The following PSG1 variants were observed in gnomAD, a reference collection of about 807,000 sequenced individuals.
The protein encoded by PSG1 is pregnancy-specific beta-1-glycoprotein 1.
PSG1 carries 60 observed loss-of-function variants against 41.4 expected under a neutral mutation model. The ratio of observed to expected loss-of-function variants is 1.45; its 90% confidence interval spans 1.18 to 1.80. The LOEUF is 1.80. Among genes scored for constraint, PSG1 ranks in the 40% most tolerant of loss-of-function variants. The pLI is 0.00. For synonymous variants in PSG1, 256 were observed against 192.9 expected (o/e 1.33, Z -2.71); for missense variants, 806 against 516.9 (o/e 1.56, Z -5.42).
chr19:42,869,065 G>T, intron 3 of PSG1, 31 bp from the exon 4 acceptor site: 1 of 1,596,860 alleles, frequency 6.3e-7, no homozygotes, highest in Non-Finnish European at 8.5e-7. Flanking sequence ...AGATTGTCCT[G>T]TGTGGCACCT....
intron 2 of PSG1, chr19:42,876,606 GA>G: frequency 3.0e-6 from 1 of 334,390 alleles, no homozygotes; most frequent in South Asian, 2.9e-5. Flanking sequence ...TGTGAGTGGG[GA>G]AAGAAAACAA....
intron 2 of PSG1, among the ~76,000 whole-genome samples, chr19:42,874,407 C>T (rs1266289225): frequency 4.6e-5 from 7 of 151,492 alleles, no homozygotes; most frequent in Non-Finnish European, 1.0e-4. Flanking sequence ...AGTGCAGTGG[C>T]ATGATCTCAG....
In PSG1 at chr19:42,868,340, G is replaced by T. The variant is rs1971226282; in HGVS notation, c.1004C>A (p.Pro335His). ...ATAGGTGAATGAAGGGTAAATTCTGGGGAGGTCTGGACCATCTGGAGCAAA... is the reference window on the plus strand; with the variant it reads ...ATAGGTGAATGAAGGGTAAATTCTGTGGAGGTCTGGACCATCTGGAGCAAA... ...TLNVLYGPDL[P>H]RIYPSFTYYR... The change falls in exon 5 of 6, where the codon CCC (proline) becomes CAC (histidine). Residue 335 changes from proline (P) to histidine (H), a missense_variant. Coordinates refer to ENST00000436291, the MANE Select transcript of PSG1 (RefSeq NM_001184825.2). 1.9e-6 allele frequency: 3 copies of T among 1,610,904 alleles called. No homozygotes were observed. The East Asian group carries it at 6.7e-5, about 36-fold the overall frequency.
chr19:42,870,411 C>T (rs1258158375), intron 3 of PSG1: 4 of 151,464 alleles, frequency 2.6e-5, no homozygotes, highest in South Asian at 2.1e-4. Flanking sequence ...TCTCTCACCA[C>T]GTTTCTAGCT....
chr19:42,877,381 G>A (rs1181081838), intron 2 of PSG1, among the ~76,000 whole-genome samples: 1 of 151,620 alleles, frequency 6.6e-6, no homozygotes, highest in Non-Finnish European at 1.5e-5. Context: ...AGCCCTGGCT[G>A]GTGAACAGCT....
intron 1 of PSG1, among the ~76,000 whole-genome samples, chr19:42,879,272 C>A (rs953866642): frequency 6.6e-6 from 1 of 150,928 alleles, no homozygotes; most frequent in African/African-American, 2.4e-5. Flanking sequence ...CCTGCCTCAG[C>A]CTCCCGAGTA....
chr19:42,868,751 C>G lies in PSG1; in HGVS notation c.988+5G>C, dbSNP rs1487948503. 1 of 1,609,932 alleles carries G rather than the reference C, an allele frequency of 6.2e-7. No individual in the cohort carries two copies. The highest frequency in any genetic ancestry group is 1.4e-5 in the African/African-American group (1 of 73,370). On this transcript the variant is annotated splice_donor_5th_base_variant and intron_variant, in intron 4 of 5. Coordinates refer to ENST00000436291, the MANE Select transcript of PSG1 (RefSeq NM_001184825.2). ...CTGGCCCACAGAGGAACAAAAGATACTCACAGAGGACATTCAGGGTGACTG... is the reference window on the plus strand; with the variant it reads ...CTGGCCCACAGAGGAACAAAAGATAGTCACAGAGGACATTCAGGGTGACTG...
Position 42,879,558 on chromosome 19 carries a change from G to T in PSG1, c.24C>A (p.Pro8=). The change falls in exon 1 of 6, where the codon CCC becomes CCA. Residue 8 remains proline (P), a synonymous_variant. Transcript: ENST00000436291. MGTLSAP[P]CTQRIKWKGL... is the part of the protein sequence containing the mutation. ...CCTTCCATTTGATGCGCTGTGTGCA[G>T]GGAGGGGCTGAGAGGGTTCCCATGG... The T allele has an allele frequency of 6.2e-7, 1 of 1,610,878 alleles. No individual in the cohort carries two copies.
intron 2 of PSG1, among the ~76,000 whole-genome samples, chr19:42,875,825 T>C (rs1386011560): frequency 3.5e-5 from 1 of 28,664 alleles, no homozygotes; most frequent in Non-Finnish European, 7.0e-5. Flanking sequence ...TATTTATTTG[T>C]TTTTTTTTTT....
chr19:42,877,632 G>A (rs922653075), intron 2 of PSG1, among the ~76,000 whole-genome samples: 6 of 151,674 alleles, frequency 4.0e-5, no homozygotes, highest in African/African-American at 1.5e-4. Flanking sequence ...TATGAAGAGG[G>A]CATGAGGTGC....
At position 42,867,014 on chromosome 19, in the gene PSG1, G is replaced by T. The variant is rs1971160259; in HGVS notation, c.*120C>A. On this transcript the variant is annotated 3_prime_UTR_variant, in exon 6 of 6. Transcript: ENST00000436291. The stretch of plus-strand genomic sequence containing the variant: ...AGTGGCTCATGCTTCACGTACAAGG[G>T]TTTTCCCATGAAATTTACATTGAGT... 3 of 766,164 alleles carry T rather than the reference G, an allele frequency of 3.9e-6. No homozygotes were observed. Among genetic ancestry groups the T allele is most frequent in the Non-Finnish European group, 7.2e-6 (3 of 417,386 alleles). The allele number at this position is 766,164 out of a possible 1,614,324, so 47.5% of individuals were successfully genotyped here.
chr19:42,875,160 G>C (rs1332778700), intron 2 of PSG1, among the ~76,000 whole-genome samples: 1 of 151,770 alleles, frequency 6.6e-6, no homozygotes, highest in Non-Finnish European at 1.5e-5. Flanking sequence ...TCTAGTCTCA[G>C]GCTGGCTGTC....
At chr19:42,867,425 A>G in intron 5 of PSG1, 1 of 577,196 alleles carries the variant, frequency 1.7e-6, no homozygotes, top group Non-Finnish European at 3.1e-6. Flanking sequence ...GGAATCTGAG[A>G]TTAAATCTTC....
rs373198964 is a variant in PSG1, at chr19:42,868,289, A to T, written c.1055T>A (p.Leu352Ter). The T allele has an allele frequency of 6.2e-7, 1 of 1,612,176 alleles. No individual in the cohort carries two copies. Among genetic ancestry groups the T allele is most frequent in the African/African-American group, 1.3e-5 (1 of 74,640 alleles). The change falls in exon 5 of 6, where the codon TTG becomes TAG. Residue 352 changes from leucine (L) to a stop codon, truncating the protein, a stop_gained. Transcript: ENST00000436291. LOFTEE classifies it high-confidence loss of function. ...TGGGTTAGAGTCCGCAGAACAGGAC[A>T]AGTAGAGGACTTCTCCTGAACGGTA... is the stretch of plus-strand genomic sequence containing the variant. ...TYYRSGEVLY[L>*]SCSADSNPPA...
In PSG1 at chr19:42,868,262, G is replaced by C. The variant is rs138545353; in HGVS notation, c.1082C>G (p.Pro361Arg). ...YLSCSADSNP[P>R]AQYSWTINEK... ...ATTAATTGTCCAAGAATACTGTGCC[G>C]GTGGGTTAGAGTCCGCAGAACAGGA... The change falls in exon 5 of 6, where the codon CCG (proline) becomes CGG (arginine). Residue 361 changes from proline (P) to arginine (R), a missense_variant. Physicochemically the swap from Pro to Arg is moderately radical, Grantham distance 103 (BLOSUM62 -2). Coordinates refer to ENST00000436291, the MANE Select transcript of PSG1 (RefSeq NM_001184825.2). 2 of 1,612,300 alleles carry C rather than the reference G, an allele frequency of 1.2e-6. No individual in the cohort carries two copies. The highest frequency in any genetic ancestry group is 4.5e-5 in the East Asian group (2 of 44,798).
rs1971783255 is a variant in PSG1, at chr19:42,879,612, G to A, written c.-31C>T. ...CTGCTGCTTGTGTGTTCTCCTCTGTGGAGATAAGCCTAGGATCCAGAAACT... is the reference window on the plus strand; with the variant it reads ...CTGCTGCTTGTGTGTTCTCCTCTGTAGAGATAAGCCTAGGATCCAGAAACT... On this transcript the variant is annotated 5_prime_UTR_variant, in exon 1 of 6. Coordinates refer to ENST00000436291, the MANE Select transcript of PSG1 (RefSeq NM_001184825.2). The A allele has an allele frequency of 6.2e-7, 1 of 1,608,124 alleles. No individual in the cohort carries two copies. Among genetic ancestry groups the A allele is most frequent in the South Asian group, 1.1e-5 (1 of 90,650 alleles).
chr19:42,868,602 C>T (rs1971240290), intron 4 of PSG1, among the ~76,000 whole-genome samples, 154 bp downstream of exon 4: 1 of 151,356 alleles, frequency 6.6e-6, no homozygotes, highest in South Asian at 2.1e-4. Context: ...GCTGTGCCTA[C>T]CCAGGATTTC....
Position 42,868,342 on chromosome 19 carries a change from G to A in PSG1, c.1002C>T (p.Leu334=). The A allele has an allele frequency of 6.2e-7, 1 of 1,610,904 alleles. No homozygotes were observed. The highest frequency in any genetic ancestry group is 8.5e-7 in the Non-Finnish European group (1 of 1,178,192). The change falls in exon 5 of 6, where the codon CTC becomes CTT. Residue 334 remains leucine, a synonymous_variant. Coordinates refer to ENST00000436291, the MANE Select transcript of PSG1 (RefSeq NM_001184825.2). The part of the protein sequence containing the change: ...VTLNVLYGPD[L]PRIYPSFTYY... ...AGGTGAATGAAGGGTAAATTCTGGG[G>A]AGGTCTGGACCATCTGGAGCAAAGA...
intron 2 of PSG1, among the ~76,000 whole-genome samples, chr19:42,874,779 G>T (rs1449583170): frequency 6.6e-6 from 1 of 151,578 alleles, no homozygotes; most frequent in African/African-American, 2.4e-5. Context: ...ACCGGAGAAT[G>T]TGAGCTCCAT....
Sources: gnomAD v4.1 joint callset for allele counts (sites outside exome capture counted in the v4.1 genomes callset) on GRCh38, gnomAD v4.1.1 for gene constraint, MANE v1.5 for transcripts, NCBI Gene and HGNC (gene_info 2026-07-23, HGNC 2026-07-21) for gene names.